ATP9B: variants seen among roughly 807,000 people sequenced by gnomAD.
ATP9B encodes the protein probable phospholipid-transporting ATPase IIB.
A neutral mutation model predicts 146.1 loss-of-function variants in ATP9B; 110 were observed. The ratio of observed to expected loss-of-function variants is 0.75; its 90% CI spans 0.65 to 0.88. ATP9B has a LOEUF of 0.88. Ranked by LOEUF, ATP9B falls within the 40% of genes least tolerant of loss-of-function variation. The probability of loss-of-function intolerance (pLI) is 0.00; values close to 1 mark genes in which losing one functional copy is unlikely to be tolerated. For synonymous variants in ATP9B, 604 were observed against 569.7 expected (o/e 1.06, Z -0.86); for missense variants, 1,499 against 1,496.4 (o/e 1.00, Z -0.03).
intron 12 of ATP9B, among the ~76,000 whole-genome samples, chr18:79,276,392 A>C (rs573321593): frequency 1.3e-5 from 2 of 152,384 alleles, no homozygotes; most frequent in East Asian, 3.9e-4. Flanking sequence ...AAAATGACTA[A>C]AAAGTCCAGG....
chr18:79,355,879 C>T (rs1027178080), intron 25 of ATP9B, among the ~76,000 whole-genome samples: 8 of 152,022 alleles, frequency 5.3e-5, no homozygotes, highest in African/African-American at 1.9e-4. Flanking sequence ...AGTGAGGAGA[C>T]GGGGTACGTT....
At chr18:79,305,055 C>G (rs969708833) in intron 14 of ATP9B, among the ~76,000 whole-genome samples, 4 of 151,882 alleles carry the variant, frequency 2.6e-5, no homozygotes, top group African/African-American at 9.7e-5. Context: ...AAAGTGTACA[C>G]AGCCCACCCT....
At chr18:79,088,430 A>G (rs1314757803) in intron 1 of ATP9B, among the ~76,000 whole-genome samples, 1 of 152,244 alleles carries the variant, frequency 6.6e-6, no homozygotes, top group Non-Finnish European at 1.5e-5. Context: ...TGACATTTTA[A>G]GGGAAAATAT....
chr18:79,304,334 G>T (rs150732606), intron 14 of ATP9B, among the ~76,000 whole-genome samples: 1 of 152,202 alleles, frequency 6.6e-6, no homozygotes, highest in Non-Finnish European at 1.5e-5. Context: ...CTAAAGTTCT[G>T]AGAACAGGAA....
chr18:79,216,060 G>C (rs995989855), intron 11 of ATP9B, among the ~76,000 whole-genome samples: 4 of 147,372 alleles, frequency 2.7e-5, no homozygotes, highest in Non-Finnish European at 5.9e-5. Flanking sequence ...TTGCATTTAT[G>C]ATGATATTTG....
At chr18:79,273,805 A>G (rs1047841295) in intron 12 of ATP9B, among the ~76,000 whole-genome samples, 1 of 152,222 alleles carries the variant, frequency 6.6e-6, no homozygotes, top group African/African-American at 2.4e-5. Flanking sequence ...TGTGGAGCAG[A>G]AGGAACTTTT....
intron 23 of ATP9B, among the ~76,000 whole-genome samples, chr18:79,346,223 C>T (rs1410513107): frequency 1.3e-4 from 19 of 151,806 alleles, no homozygotes; most frequent in African/African-American, 4.1e-4. Context: ...GGTCAGCGCA[C>T]GTCAGCATGT....
chr18:79,287,595 G>GT (rs1365372577), intron 13 of ATP9B, among the ~76,000 whole-genome samples: 9 of 150,008 alleles, frequency 6.0e-5, no homozygotes, highest in African/African-American at 2.2e-4. Context: ...TTTTTGAAGG[G>GT]TTTTTTGTGT....
At chr18:79,084,034 GT>G (rs2146556374) in intron 1 of ATP9B, among the ~76,000 whole-genome samples, 1 of 151,406 alleles carries the variant, frequency 6.6e-6, no homozygotes, top group South Asian at 2.1e-4. Flanking sequence ...AATTTTTTTT[GT>G]TTTAGTAGAG....
intron 16 of ATP9B, 117 bp from the exon 17 acceptor site, chr18:79,329,895 C>A: frequency 1.1e-6 from 1 of 904,308 alleles, no homozygotes; most frequent in Non-Finnish European, 1.8e-6. Context: ...GAGCTTAACA[C>A]ACAGGAACAC....
intron 13 of ATP9B, among the ~76,000 whole-genome samples, chr18:79,279,025 G>T (rs574472500): frequency 3.3e-5 from 5 of 152,338 alleles, no homozygotes; most frequent in African/African-American, 9.6e-5. Flanking sequence ...GAAACGTCCT[G>T]CAGAACCTAG....
intron 1 of ATP9B, among the ~76,000 whole-genome samples, chr18:79,083,674 C>A (rs2073501267): frequency 6.6e-6 from 1 of 152,096 alleles, no homozygotes; most frequent in African/African-American, 2.4e-5. Flanking sequence ...GTTTGCCTGA[C>A]CCCTTGTGCT....
chr18:79,361,662 C>A, intron 26 of ATP9B: 1 of 453,140 alleles, frequency 2.2e-6, no homozygotes, highest in Non-Finnish European at 2.9e-6. Flanking sequence ...AAGTACTGAG[C>A]CACTAAAGTT....
intron 1 of ATP9B, among the ~76,000 whole-genome samples, chr18:79,096,109 T>C (rs1446917110): frequency 1.3e-5 from 2 of 152,162 alleles, no homozygotes; most frequent in African/African-American, 4.8e-5. Flanking sequence ...TTGCTTGGAG[T>C]GAACATTCTT....
intron 9 of ATP9B, chr18:79,194,291 T>C (rs549212730): frequency 6.6e-6 from 1 of 152,360 alleles, no homozygotes; most frequent in African/African-American, 2.4e-5. Context: ...AAGGTATTTA[T>C]GTAACCACTA....
At chr18:79,155,953 G>A (rs1010003604) in intron 7 of ATP9B, among the ~76,000 whole-genome samples, 2 of 151,456 alleles carry the variant, frequency 1.3e-5, no homozygotes, top group Non-Finnish European at 2.9e-5. Context: ...TAGTAGAGAC[G>A]GGGTTTCACC....
At chr18:79,276,835 TA>T (rs938803555) in intron 12 of ATP9B, among the ~76,000 whole-genome samples, 2 of 152,354 alleles carry the variant, frequency 1.3e-5, no homozygotes, top group East Asian at 3.9e-4. Context: ...TAATGCATAT[TA>T]AAAAATACGT....
chr18:79,215,144 T>C (rs1211593281), intron 11 of ATP9B, among the ~76,000 whole-genome samples: 2 of 100,510 alleles, frequency 2.0e-5, no homozygotes, highest in Non-Finnish European at 3.9e-5. Context: ...TGAGATTCTG[T>C]CTCAAAAAAA....
chr18:79,271,238 T>C (rs2096250363), intron 12 of ATP9B, among the ~76,000 whole-genome samples: 1 of 151,768 alleles, frequency 6.6e-6, no homozygotes, highest in Non-Finnish European at 1.5e-5. Context: ...GTATTTTCTT[T>C]ATTATTATTA....
Sources: gnomAD v4.1 joint callset for allele counts (sites outside exome capture counted in the v4.1 genomes callset) on GRCh38, gnomAD v4.1.1 for gene constraint, MANE v1.5 for transcripts, NCBI Gene and HGNC (gene_info 2026-07-23, HGNC 2026-07-21) for gene names.